Variants in EIF2AK4 observed in about 807,000 individuals in gnomAD.
EIF2AK4 encodes the protein eukaryotic translation initiation factor 2 alpha kinase 4, also known as eIF-2-alpha kinase GCN2.
Under a neutral mutation model 211.1 loss-of-function variants are expected in EIF2AK4, and 139 were observed. That is an observed-to-expected ratio of 0.66 (90% CI 0.57 to 0.76). The LOEUF (loss-of-function observed/expected upper bound fraction) is 0.76. Ranked by LOEUF, EIF2AK4 falls within the 30% of genes least tolerant of loss-of-function variation. EIF2AK4 has a pLI of 0.00. For missense variants in EIF2AK4, 1,664 were observed against 2,043.8 expected, an observed-to-expected ratio of 0.81 and a Z score of 3.58; for synonymous variants, 710 against 751.3, an observed-to-expected ratio of 0.94 and a Z score of 0.90.
intron 27 of EIF2AK4, 100 bp from the exon 28 acceptor site, chr15:40,016,402 C>T: frequency 7.3e-7 from 1 of 1,365,736 alleles, no homozygotes; most frequent in Non-Finnish European, 1.0e-6. Flanking sequence ...ATAATCGTAG[C>T]ATCCCATGTG....
intron 31 of EIF2AK4, 103 bp from the exon 32 acceptor site, chr15:40,022,416 C>G: frequency 1.0e-6 from 1 of 966,260 alleles, no homozygotes; most frequent in Non-Finnish European, 1.6e-6. Flanking sequence ...TAGTAATTCA[C>G]ATTGAGAATA....
intron 9 of EIF2AK4, among the ~76,000 whole-genome samples, chr15:39,972,619 A>G (rs905171689): frequency 1.3e-5 from 2 of 152,190 alleles, no homozygotes; most frequent in African/African-American, 4.8e-5. Flanking sequence ...TTTATAGCCT[A>G]CTTGTGCTAC....
rs1257046254 is a variant in EIF2AK4 at position 39,957,299 on chromosome 15, G to A, written c.743+1531G>A. Among the ~76,000 whole-genome samples, 4 of 152,236 alleles carry A rather than the reference G, an allele frequency of 2.6e-5. No homozygotes were observed. In the East Asian group the frequency reaches 7.7e-4, roughly 29 times the overall value. On this transcript the variant is annotated intron_variant, in intron 6 of 38. Coordinates refer to ENST00000263791, the MANE Select transcript of EIF2AK4 (RefSeq NM_001013703.4). ...AGATCAGAGATAGCACGCTGGGCAC[G>A]GTGGCTCATGTGTGTGACCCCAACA...
chr15:39,942,686 G>A (rs1265523930), intron 2 of EIF2AK4, among the ~76,000 whole-genome samples: 1 of 152,204 alleles, frequency 6.6e-6, no homozygotes, highest in Non-Finnish European at 1.5e-5. Flanking sequence ...TGAGTTGAAA[G>A]TGTTGACTTA....
In EIF2AK4 at chr15:39,967,499, G is replaced by A; in HGVS notation, c.1173G>A (p.Leu391=). 1 of 1,613,964 alleles carries A rather than the reference G, an allele frequency of 6.2e-7. No homozygotes were observed. The highest frequency in any genetic ancestry group is 1.7e-5 in the Admixed American group (1 of 59,994). The change falls in exon 9 of 39, where the codon CTG becomes CTA. Residue 391 remains leucine (L), a synonymous_variant. Transcript: ENST00000263791. ...HISGVSLAAH[L]SHSGPIPVHQ... ...GTGGGGTCTCTCTTGCTGCACACCT[G>A]AGCCACTCAGGCCCCATCCCTGTGC...
intron 29 of EIF2AK4, 71 bp from the exon 30 acceptor site, chr15:40,019,022 A>T: frequency 8.7e-7 from 1 of 1,150,768 alleles, no homozygotes; most frequent in Non-Finnish European, 1.3e-6. Flanking sequence ...CTCACTCTTT[A>T]ATCATTGTTT....
At chr15:39,971,585 T>C (rs761080887) in intron 9 of EIF2AK4, among the ~76,000 whole-genome samples, 1 of 151,976 alleles carries the variant, frequency 6.6e-6, no homozygotes, top group African/African-American at 2.4e-5. Context: ...AGCATGGTGG[T>C]ACACGCCTGT....
At chr15:40,013,524 T>C (rs1457081780) in intron 27 of EIF2AK4, among the ~76,000 whole-genome samples, 1 of 151,792 alleles carries the variant, frequency 6.6e-6, no homozygotes, top group Non-Finnish European at 1.5e-5. Context: ...TCACGTCTTA[T>C]ATGGATGGCA....
intron 21 of EIF2AK4, 86 bp from the exon 22 acceptor site, chr15:40,002,627 G>A (rs997548048): frequency 7.2e-7 from 1 of 1,389,282 alleles, no homozygotes. Flanking sequence ...AAGCAGTGTA[G>A]TGCCTACTGC....
At position 39,955,718 on chromosome 15, in the gene EIF2AK4, T is replaced by C; in HGVS notation, c.693T>C (p.Pro231=). 6.2e-7 allele frequency: 1 copy of C among 1,612,844 alleles called. No individual in the cohort carries two copies. Among genetic ancestry groups the C allele is most frequent in the South Asian group, 1.1e-5 (1 of 90,760 alleles). Reference sequence around the variant, plus strand: ...CTGCCATTCTACATGGAGGCTCTCCTGACTTTGTAGGAAATGGTAAACATC... The same window carrying C: ...CTGCCATTCTACATGGAGGCTCTCCCGACTTTGTAGGAAATGGTAAACATC... ...RTAAILHGGS[P]DFVGNGKHRA... Residue 231 remains proline, a synonymous_variant, in exon 6 of 39, where the codon CCT becomes CCC. Coordinates refer to ENST00000263791, the MANE Select transcript of EIF2AK4 (RefSeq NM_001013703.4).
rs767348317 is a variant in EIF2AK4 at position 39,976,788 on chromosome 15, CGAT to C, written c.2196_2198del (p.Asp733del). ...TCCCCGCCACCGGCCCGGGCTCCAG[CGAT>C]GACGAGGACGACGACGAGGACGAGC... On this transcript the variant is annotated inframe_deletion, in exon 12 of 39. Transcript: ENST00000263791. The C allele has an allele frequency of 6.3e-7, 1 of 1,582,130 alleles. No individual in the cohort carries two copies. The highest frequency in any genetic ancestry group is 8.6e-7 in the Non-Finnish European group (1 of 1,167,610).
Position 40,007,077 on chromosome 15 carries a change from T to G in EIF2AK4, c.3407+12T>G. The G allele has an allele frequency of 6.3e-7, 1 of 1,577,536 alleles. No homozygotes were observed. The highest frequency in any genetic ancestry group is 8.7e-7 in the Non-Finnish European group (1 of 1,150,692). Reference sequence around the variant, plus strand: ...TTGAATTTAAAACGGTAAGAAACAATAGGAGATTCCATTTGGTAGACATAG... The same window carrying G: ...TTGAATTTAAAACGGTAAGAAACAAGAGGAGATTCCATTTGGTAGACATAG... On this transcript the variant is annotated intron_variant, in intron 24 of 38. Coordinates refer to ENST00000263791, the MANE Select transcript of EIF2AK4 (RefSeq NM_001013703.4).
intron 4 of EIF2AK4, among the ~76,000 whole-genome samples, 181 bp downstream of exon 4, chr15:39,949,449 G>A (rs947681700): frequency 3.3e-5 from 5 of 152,154 alleles, no homozygotes; most frequent in African/African-American, 1.2e-4. Context: ...ACACATATCA[G>A]TACTGTCCCT....
chr15:39,956,658 A>G (rs2034396591), intron 6 of EIF2AK4, among the ~76,000 whole-genome samples: 2 of 152,140 alleles, frequency 1.3e-5, no homozygotes. Flanking sequence ...TTTGCTCTCT[A>G]TTTGCTGTGG....
intron 3 of EIF2AK4, among the ~76,000 whole-genome samples, chr15:39,943,974 G>GAAA (rs755887688): frequency 6.6e-6 from 1 of 151,784 alleles, no homozygotes; most frequent in Non-Finnish European, 1.5e-5. Flanking sequence ...AAGAAAAAAA[G>GAAA]AAGAAGAATT....
intron 37 of EIF2AK4, among the ~76,000 whole-genome samples, chr15:40,033,003 T>A (rs1401156740): frequency 6.6e-6 from 1 of 152,192 alleles, no homozygotes; most frequent in Non-Finnish European, 1.5e-5. Context: ...AGTGACTTTA[T>A]TTTTCAGATA....
intron 1 of EIF2AK4, among the ~76,000 whole-genome samples, 189 bp from the exon 2 acceptor site, chr15:39,939,316 A>G (rs2035039700): frequency 6.6e-6 from 1 of 152,240 alleles, no homozygotes; most frequent in African/African-American, 2.4e-5. Context: ...AAAAAAGGAA[A>G]GTGCATTTTC....
At chr15:39,999,134 T>C (rs2035060510) in intron 20 of EIF2AK4, among the ~76,000 whole-genome samples, 1 of 152,186 alleles carries the variant, frequency 6.6e-6, no homozygotes, top group Admixed American at 6.5e-5. Context: ...AAAAATATAA[T>C]TTAAAACTGT....
At chr15:40,010,664 C>T (rs562955070) in intron 26 of EIF2AK4, among the ~76,000 whole-genome samples, 3 of 152,282 alleles carry the variant, frequency 2.0e-5, no homozygotes, top group African/African-American at 7.2e-5. Context: ...TGGAAGTCCT[C>T]ACATAATGGC....
Sources: gnomAD v4.1 joint callset for allele counts (sites outside exome capture counted in the v4.1 genomes callset) on GRCh38, gnomAD v4.1.1 for gene constraint, MANE v1.5 for transcripts, NCBI Gene and HGNC (gene_info 2026-07-23, HGNC 2026-07-21) for gene names.